ZNF449: variants seen among roughly 807,000 people sequenced by gnomAD.
ZNF449 encodes zinc finger protein 449, also known as zinc finger and SCAN domain-containing protein 19.
A neutral mutation model predicts 32.6 loss-of-function variants in ZNF449; 4 were observed. The observed-to-expected ratio is 0.12, with a 90% CI of 0.06 to 0.28. The LOEUF is 0.28. Among genes scored for constraint, ZNF449 ranks in the 10% least tolerant of loss-of-function variants. ZNF449 has a pLI of 1.00. For synonymous variants in ZNF449, 123 were observed against 132.2 expected (o/e 0.93, Z 0.48); for missense variants, 275 against 383.2 (o/e 0.72, Z 2.36).
At chrX:135,353,296 A>G (rs1351656461) in intron 3 of ZNF449, among the ~76,000 whole-genome samples, 1 of 111,653 alleles carries the variant, frequency 9.0e-6, no homozygotes, top group Non-Finnish European at 1.9e-5. Flanking sequence ...TCCAACCCAC[A>G]CTTAAGTGAA....
intron 2 of ZNF449, chrX:135,348,516 T>G: frequency 6.6e-6 from 1 of 152,008 alleles, no homozygotes; most frequent in Non-Finnish European, 1.4e-5. Flanking sequence ...AGAAGTGCCG[T>G]GACTGAGAGA....
In ZNF449 at chrX:135,360,437, A is replaced by C; in HGVS notation, c.918A>C (p.Glu306Asp). The change falls in exon 5 of 5, where the codon GAA (glutamate) becomes GAC (aspartate). Residue 306 changes from glutamate to aspartate, a missense_variant. By Grantham distance (45) the Glu-to-Asp change is conservative. Around this residue, in one of 3 missense-constraint regions of ZNF449, gnomAD observed 165 missense variants for 175.0 expected, o/e 0.94. Coordinates refer to ENST00000339249, the MANE Select transcript of ZNF449 (RefSeq NM_152695.6). ...GETPENSNLEEPLNPKPHKKK... is the reference protein window; with the variant it reads ...GETPENSNLEDPLNPKPHKKK... ...CACCTGAGAACTCCAACTTGGAAGA[A>C]CCTCTCAACCCTAAACCCCACAAGA... 2 of 1,210,972 alleles carry C rather than the reference A, an allele frequency of 1.7e-6. No homozygotes were observed. Among genetic ancestry groups the C allele is most frequent in the Non-Finnish European group, 2.2e-6 (2 of 895,232 alleles).
intron 3 of ZNF449, among the ~76,000 whole-genome samples, chrX:135,352,257 T>G (rs1335294049): frequency 8.9e-6 from 1 of 112,118 alleles, no homozygotes; most frequent in African/African-American, 3.2e-5. Context: ...ATATATTTTT[T>G]CATGTAATAT....
chrX:135,345,191 C>T (rs1190099589), intron 1 of ZNF449, among the ~76,000 whole-genome samples: 1 of 113,049 alleles, frequency 8.8e-6, no homozygotes, highest in African/African-American at 3.2e-5. Context: ...TCCTCAAGTG[C>T]TCTCTTTACA....
Position 135,359,984 on chromosome X carries a change from C to A in ZNF449, c.652C>A (p.Gln218Lys). 8.4e-7 allele frequency: 1 copy of A among 1,185,908 alleles called. No homozygotes were observed. The highest frequency in any genetic ancestry group is 1.1e-6 in the Non-Finnish European group (1 of 877,203). ...ATTACAGGATTCTAAAGAAATGAAA[C>A]AATTACTTGATTCCAAGATAGGTAA... ...KELQDSKEMK[Q>K]LLDSKIGFEI... is the part of the protein sequence containing the mutation. Residue 218 changes from glutamine (Q) to lysine (K), a missense_variant, in exon 4 of 5, where the codon CAA becomes AAA. Gln to Lys is a moderately conservative substitution (Grantham distance 53, BLOSUM62 1). Around this residue, in one of 3 missense-constraint regions of ZNF449, gnomAD observed 165 missense variants for 175.0 expected, o/e 0.94. Transcript: ENST00000339249.
At chrX:135,348,936 C>G (rs2084866888) in intron 2 of ZNF449, 174 bp from the exon 3 acceptor site, 1 of 932,663 alleles carries the variant, frequency 1.1e-6, no homozygotes, top group African/African-American at 2.0e-5. Flanking sequence ...ATGTTGAAAT[C>G]CTGATTGTTT....
At chrX:135,346,986 T>C (rs1284615913) in intron 1 of ZNF449, 33 bp from the exon 2 acceptor site, 5 of 587,329 alleles carry the variant, frequency 8.5e-6, no homozygotes, top group East Asian at 3.6e-5. Flanking sequence ...TGACCACTCC[T>C]GTTTCTCCTT....
chrX:135,355,110 A>G (rs1556451534), intron 3 of ZNF449, among the ~76,000 whole-genome samples: 1 of 109,088 alleles, frequency 9.2e-6, no homozygotes, highest in African/African-American at 3.3e-5. Flanking sequence ...CCCAGTTTCA[A>G]TTCCTTCTCA....
intron 2 of ZNF449, chrX:135,348,599 G>A (rs2084865010): frequency 6.0e-6 from 2 of 332,278 alleles, no homozygotes; most frequent in Admixed American, 6.4e-5. Flanking sequence ...TTGTCTATGG[G>A]GGTTCTCTGC....
chrX:135,363,208 G>A lies in ZNF449; in HGVS notation c.*2132G>A, dbSNP rs781909025. 1.8e-5 allele frequency: 2 copies of A among 112,176 alleles called. No individual in the cohort carries two copies. Among genetic ancestry groups the A allele is most frequent in the East Asian group, 5.6e-4 (2 of 3,592 alleles). The allele number at this position is 112,176 out of a possible 1,213,427, so 9.2% of individuals were successfully genotyped here. ...CTTAGAGCTTCTTCCCTGAACAGTG[G>A]CAACAAGCATGGCAATTGACTCTGT... On this transcript the variant is annotated 3_prime_UTR_variant, in exon 5 of 5. Coordinates refer to ENST00000339249, the MANE Select transcript of ZNF449 (RefSeq NM_152695.6).
In ZNF449 at chrX:135,347,640, ACT is replaced by A. The variant is rs782519531; in HGVS notation, c.354+171_354+172del. Reference sequence around the variant, plus strand: ...CTCAGCAAATGAGTCAGTGCTTTTAACTCTATCAGACTCAATTCCCCTTCTAT... The same window carrying A: ...CTCAGCAAATGAGTCAGTGCTTTTAACTATCAGACTCAATTCCCCTTCTAT... On this transcript the variant is annotated intron_variant, in intron 2 of 4. Coordinates refer to ENST00000339249, the MANE Select transcript of ZNF449 (RefSeq NM_152695.6). 7.4e-5 allele frequency: 83 copies of A among 1,126,640 alleles called. No homozygotes were observed. In the Middle Eastern group the frequency reaches 1.6e-3, roughly 22 times the overall value. The allele number at this position is 1,126,640 out of a possible 1,213,427, so 92.8% of individuals were successfully genotyped here.
At chrX:135,357,355 G>A (rs1326991655) in intron 3 of ZNF449, among the ~76,000 whole-genome samples, 1 of 110,732 alleles carries the variant, frequency 9.0e-6, no homozygotes, top group African/African-American at 3.3e-5. Flanking sequence ...TTTTTCCCGT[G>A]GAGACATCCA....
chrX:135,351,295 A>G (rs1556450261), intron 3 of ZNF449, among the ~76,000 whole-genome samples: 2 of 111,500 alleles, frequency 1.8e-5, no homozygotes, highest in African/African-American at 6.5e-5. Flanking sequence ...TGGAGTGAAA[A>G]TGTAATTCAA....
chrX:135,357,320 G>A (rs781868481), intron 3 of ZNF449, among the ~76,000 whole-genome samples: 4 of 111,193 alleles, frequency 3.6e-5, no homozygotes, highest in African/African-American at 1.3e-4. Flanking sequence ...TTAATAGGGT[G>A]GGAGGTAGAG....
In ZNF449 at chrX:135,360,366, G is replaced by C. The variant is rs2084940067; in HGVS notation, c.847G>C (p.Asp283His). The change falls in exon 5 of 5, where the codon GAT (aspartate) becomes CAT (histidine). Residue 283 changes from aspartate (D) to histidine (H), a missense_variant. Coordinates refer to ENST00000339249, the MANE Select transcript of ZNF449 (RefSeq NM_152695.6). ...WETPPEDLQT[D>H]LAKLVDQQNP... ...AACCCCCCCAGAGGATTTACAGACA[G>C]ATTTAGCAAAACTGGTAGATCAGCA... is the stretch of plus-strand genomic sequence containing the variant. 1.7e-6 allele frequency: 2 copies of C among 1,211,064 alleles called. No individual in the cohort carries two copies. The highest frequency in any genetic ancestry group is 2.2e-6 in the Non-Finnish European group (2 of 895,247).
intron 3 of ZNF449, among the ~76,000 whole-genome samples, chrX:135,352,518 G>T (rs1352268032): frequency 8.9e-6 from 1 of 111,795 alleles, no homozygotes; most frequent in African/African-American, 3.2e-5. Flanking sequence ...TTCAAAATTC[G>T]TACACCAAAA....
chrX:135,350,252 T>C (rs1486642951), intron 3 of ZNF449, among the ~76,000 whole-genome samples: 1 of 111,287 alleles, frequency 9.0e-6, no homozygotes, highest in Admixed American at 9.5e-5. Context: ...CTCAAAGTGC[T>C]GGGATTACAG....
chrX:135,359,048 G>A (rs1358921709), intron 3 of ZNF449, among the ~76,000 whole-genome samples: 5 of 111,567 alleles, frequency 4.5e-5, no homozygotes, highest in African/African-American at 1.6e-4. Context: ...ATTAACATTA[G>A]TCAAACTAAA....
chrX:135,360,448 C>G lies in ZNF449; in HGVS notation c.929C>G (p.Pro310Arg). The G allele has an allele frequency of 8.3e-7, 1 of 1,211,466 alleles. No individual in the cohort carries two copies. Among genetic ancestry groups the G allele is most frequent in the Non-Finnish European group, 1.1e-6 (1 of 895,378 alleles). The part of the protein sequence containing the change: ...ENSNLEEPLN[P>R]KPHKKKSPGE... ...TCCAACTTGGAAGAACCTCTCAACC[C>G]TAAACCCCACAAGAAAAAGAGTCCA... The change falls in exon 5 of 5, where the codon CCT becomes CGT. Residue 310 changes from proline (P) to arginine (R), a missense_variant. Pro to Arg is a moderately radical substitution (Grantham distance 103). Around this residue, in one of 3 missense-constraint regions of ZNF449, gnomAD observed 165 missense variants for 175.0 expected, o/e 0.94. Coordinates refer to ENST00000339249, the MANE Select transcript of ZNF449 (RefSeq NM_152695.6).
Sources: gnomAD v4.1 joint callset for allele counts (sites outside exome capture counted in the v4.1 genomes callset) on GRCh38, gnomAD v4.1.1 for gene constraint, gnomAD v4.1.1 regional missense constraint, MANE v1.5 for transcripts, NCBI Gene and HGNC (gene_info 2026-07-23, HGNC 2026-07-21) for gene names.